HCFC2: variants seen among roughly 807,000 people sequenced by gnomAD.
HCFC2 encodes the protein host cell factor C2.
A neutral mutation model predicts 89.2 loss-of-function variants in HCFC2; 18 were observed. The ratio of observed to expected loss-of-function variants is 0.20; its 90% confidence interval spans 0.14 to 0.30. The LOEUF is 0.30. Among genes scored for constraint, HCFC2 ranks in the 10% least tolerant of loss-of-function variants. The probability of loss-of-function intolerance (pLI) is 1.00; values close to 1 mark genes in which losing one functional copy is unlikely to be tolerated. For missense variants in HCFC2, 578 were observed against 956.1 expected (o/e 0.60, Z 5.21); for synonymous variants, 308 against 335.7 (o/e 0.92, Z 0.90).
intron 3 of HCFC2, 64 bp from the exon 4 acceptor site, chr12:104,079,381 A>T: frequency 8.0e-7 from 1 of 1,246,010 alleles, no homozygotes; most frequent in Non-Finnish European, 1.1e-6. Context: ...TTATAAATAG[A>T]AATAAAATGC....
In HCFC2 at chr12:104,064,892, C is replaced by A. The variant is rs1416667218; in HGVS notation, c.163+169C>A. On this transcript the variant is annotated intron_variant, in intron 1 of 14. Transcript: ENST00000229330. This position sits in a 1 kb window ranked among gnomAD's most constrained non-coding sequence, Gnocchi z 7.3. ...GCAGCCCGGGTCCGGCAGCTCTGTC[C>A]CGGACCGCAGCTCAGGATCTCCGGG... 2.0e-6 allele frequency: 1 copy of A among 510,162 alleles called. No homozygotes were observed. Among genetic ancestry groups the A allele is most frequent in the Non-Finnish European group, 3.2e-6 (1 of 312,096 alleles). 31.6% of individuals were successfully genotyped at this position (510,162 alleles called of 1,614,324 possible).
intron 5 of HCFC2, 99 bp downstream of exon 5, chr12:104,080,929 A>T: frequency 1.4e-6 from 1 of 717,488 alleles, no homozygotes; most frequent in Middle Eastern, 2.8e-4. Context: ...GAAATAGATT[A>T]TGAAACTTAA....
At chr12:104,099,490 A>G (rs1229698532) in intron 13 of HCFC2, among the ~76,000 whole-genome samples, 1 of 152,146 alleles carries the variant, frequency 6.6e-6, no homozygotes, top group Non-Finnish European at 1.5e-5. Flanking sequence ...AGTCCCAGCT[A>G]CTCAGGAGGC....
Position 104,081,029 on chromosome 12 carries a change from A to C in HCFC2, c.767+199A>C, listed in dbSNP as rs547849846. ...GCCATTTTCTTATGCTCTCTCTTTT[A>C]CTTCTTTGCATTCCTTATAATGCCC... On this transcript the variant is annotated intron_variant, in intron 5 of 14. Transcript: ENST00000229330. Among the ~76,000 whole-genome samples the C allele has an allele frequency of 3.3e-5, 5 of 152,188 alleles. No individual in the cohort carries two copies. In the East Asian group the frequency reaches 9.7e-4, roughly 29 times the overall value.
rs943814142 is a variant in HCFC2, at chr12:104,068,743, C to A, written c.473+636C>A. Among the ~76,000 whole-genome samples the A allele has an allele frequency of 6.6e-6, 1 of 152,052 alleles. No homozygotes were observed. Among genetic ancestry groups the A allele is most frequent in the Non-Finnish European group, 1.5e-5 (1 of 68,002 alleles). On this transcript the variant is annotated intron_variant, in intron 3 of 14. Coordinates refer to ENST00000229330, the MANE Select transcript of HCFC2 (RefSeq NM_013320.3). This position sits in a 1 kb window ranked among gnomAD's most constrained non-coding sequence, Gnocchi z 4.1. ...TGGTCCACAGGGTGTAGTTTGCTGG[C>A]ACAGATTGTAAATAATGGGGCTATC...
intron 13 of HCFC2, among the ~76,000 whole-genome samples, chr12:104,099,176 C>G (rs931768788): frequency 6.6e-6 from 1 of 151,952 alleles, no homozygotes; most frequent in African/African-American, 2.4e-5. Context: ...AGGAGCAATG[C>G]GTGGAGTGGG....
At chr12:104,069,009 A>G (rs1593589250) in intron 3 of HCFC2, among the ~76,000 whole-genome samples, 1 of 152,196 alleles carries the variant, frequency 6.6e-6, no homozygotes, top group East Asian at 1.9e-4. Flanking sequence ...CTGGGGCATG[A>G]GCAGCTGTAG....
At chr12:104,099,054 C>G (rs1012437429) in intron 13 of HCFC2, among the ~76,000 whole-genome samples, 1 of 151,972 alleles carries the variant, frequency 6.6e-6, no homozygotes, top group African/African-American at 2.4e-5. Flanking sequence ...GTTCCACAGG[C>G]TGTACAGGAA....
Position 104,104,444 on chromosome 12 carries a change from T to A in HCFC2, c.*1171T>A, listed in dbSNP as rs577817233. 5.3e-5 allele frequency: 8 copies of A among 152,174 alleles called. No individual in the cohort carries two copies. In the South Asian group the frequency reaches 1.4e-3, roughly 28 times the overall value. 9.4% of individuals were successfully genotyped at this position (152,174 alleles called of 1,614,324 possible). ...GGAATTTCATGGTTCCACTGCCTAT[T>A]TAAATCTGGAATTAATATACAGAGC... On this transcript the variant is annotated 3_prime_UTR_variant, in exon 15 of 15. Transcript: ENST00000229330.
chr12:104,069,309 A>AAAAC (rs764052376), intron 3 of HCFC2, among the ~76,000 whole-genome samples: 17 of 152,288 alleles, frequency 1.1e-4, no homozygotes, highest in African/African-American at 2.6e-4. Flanking sequence ...TTATCTTAAA[A>AAAAC]AAACAAACAA....
chr12:104,071,351 A>G (rs1016335842), intron 3 of HCFC2, among the ~76,000 whole-genome samples: 11 of 152,224 alleles, frequency 7.2e-5, no homozygotes, highest in Admixed American at 3.3e-4. Context: ...ATAATGGGGC[A>G]AGCTTCTCAA....
In HCFC2 at chr12:104,064,738, G is replaced by C. The variant is rs758231044; in HGVS notation, c.163+15G>C. 7.8e-6 allele frequency: 12 copies of C among 1,547,056 alleles called. No homozygotes were observed. In the Admixed American group the frequency reaches 2.4e-4, roughly 31 times the overall value. On this transcript the variant is annotated intron_variant, in intron 1 of 14. Coordinates refer to ENST00000229330, the MANE Select transcript of HCFC2 (RefSeq NM_013320.3). This position sits in a 1 kb window ranked among gnomAD's most constrained non-coding sequence, Gnocchi z 7.3. The stretch of plus-strand genomic sequence containing the variant: ...CTACAACACGGGTAGGCGCGGCGGC[G>C]GCTCGTCGGCCCCGCCTGCTGGAGC...
intron 13 of HCFC2, 42 bp downstream of exon 13, chr12:104,098,522 C>T (rs758592998): frequency 6.6e-7 from 1 of 1,512,694 alleles, no homozygotes; most frequent in Non-Finnish European, 8.9e-7. Flanking sequence ...TTATAAGCCT[C>T]AAGGATGAGA....
intron 3 of HCFC2, among the ~76,000 whole-genome samples, chr12:104,075,838 G>C (rs1883477728): frequency 6.6e-6 from 1 of 151,750 alleles, no homozygotes; most frequent in Admixed American, 6.6e-5. Flanking sequence ...TTTTTTTTCA[G>C]TGTTATTTTC....
At chr12:104,078,034 T>C (rs1364832896) in intron 3 of HCFC2, among the ~76,000 whole-genome samples, 1 of 152,222 alleles carries the variant, frequency 6.6e-6, no homozygotes, top group African/African-American at 2.4e-5. Context: ...AGTCTCACTC[T>C]GTCTCCCAGG....
chr12:104,074,898 GA>G (rs1359224535), intron 3 of HCFC2, among the ~76,000 whole-genome samples: 2 of 152,178 alleles, frequency 1.3e-5, no homozygotes, highest in African/African-American at 2.4e-5. Flanking sequence ...TGAATATTTA[GA>G]AGAAATTTTC....
At chr12:104,097,209 CT>C (rs1188033324) in intron 12 of HCFC2, among the ~76,000 whole-genome samples, 13 of 152,062 alleles carry the variant, frequency 8.5e-5, no homozygotes, top group Admixed American at 2.6e-4. Context: ...CCTTTAGAAT[CT>C]TTAAGAATTC....
intron 8 of HCFC2, among the ~76,000 whole-genome samples, chr12:104,087,461 ATATACATATATATATATATATATG>A (rs1883894709): frequency 2.2e-4 from 1 of 4,644 alleles, no homozygotes. Flanking sequence ...GTGTATATAT[ATATACATATATATATATATATATG>A]TATATATATA....
At position 104,095,802 on chromosome 12, in the gene HCFC2, T is replaced by C. The variant is rs903393629; in HGVS notation, c.1666+239T>C. ...ACTTTATGGATTTTGACCATATATT[T>C]ACCTTTATCAGCTTTCATCTTTCCA... On this transcript the variant is annotated intron_variant, in intron 11 of 14. Coordinates refer to ENST00000229330, the MANE Select transcript of HCFC2 (RefSeq NM_013320.3). This position sits in a 1 kb window ranked among gnomAD's most constrained non-coding sequence, Gnocchi z 4.2. Among the ~76,000 whole-genome samples the C allele has an allele frequency of 2.6e-5, 4 of 152,210 alleles. No homozygotes were observed. The highest frequency in any genetic ancestry group is 9.6e-5 in the African/African-American group (4 of 41,460).
Sources: allele counts gnomAD v4.1 joint callset (sites outside exome capture counted in the v4.1 genomes callset), GRCh38; gene constraint gnomAD v4.1.1; non-coding constraint Gnocchi (gnomAD v3.1); transcripts MANE v1.5; gene names NCBI Gene and HGNC (gene_info 2026-07-23, HGNC 2026-07-21).